Variants in ISG20 observed in about 807,000 individuals in gnomAD.
ISG20 encodes interferon stimulated exonuclease gene 20.
A neutral mutation model predicts 11.1 loss-of-function variants in ISG20; 8 were observed. The observed-to-expected ratio is 0.72, with a 90% CI of 0.42 to 1.30. The LOEUF (loss-of-function observed/expected upper bound fraction) is 1.30, where lower values mean the gene tolerates loss of function less well. Ranked by LOEUF, ISG20 falls within the 50% of genes most tolerant of loss-of-function variation. The pLI is 0.01. For synonymous variants in ISG20, 110 were observed against 101.7 expected (o/e 1.08, Z -0.49); for missense variants, 243 against 250.2 (o/e 0.97, Z 0.19).
At position 88,650,197 on chromosome 15, in the gene ISG20, C is replaced by T. The variant is rs1490747346; in HGVS notation, c.229-1913C>T. Reference sequence around the variant, plus strand: ...GGGCCTGGACTAGCCACGAGCCGCCCCTTTCCCTAATAGAGCTCACATCTG... The same window carrying T: ...GGGCCTGGACTAGCCACGAGCCGCCTCTTTCCCTAATAGAGCTCACATCTG... On this transcript the variant is annotated intron_variant, in intron 2 of 3. Transcript: ENST00000306072. This position sits in a 1 kb window ranked among gnomAD's most constrained non-coding sequence, Gnocchi z 4.0. 16 of 1,518,366 alleles carry T rather than the reference C, an allele frequency of 1.1e-5. No homozygotes were observed. Among genetic ancestry groups the T allele is most frequent in the Non-Finnish European group, 1.3e-5 (15 of 1,131,368 alleles). The allele number at this position is 1,518,366 out of a possible 1,614,324, so 94.1% of individuals were successfully genotyped here. A position where few individuals can be genotyped will look rare whatever the true frequency, so the allele number is the denominator to read the frequency against.
rs773881244 is a variant in ISG20, at chr15:88,639,402, C to T, written c.36C>T (p.Cys12=). 7.4e-6 allele frequency: 12 copies of T among 1,613,270 alleles called. No individual in the cohort carries two copies. Among genetic ancestry groups the T allele is most frequent in the South Asian group, 6.6e-5 (6 of 91,026 alleles). Residue 12 remains cysteine (C), a synonymous_variant, in exon 2 of 4, where the codon TGC becomes TGT. Transcript: ENST00000306072. The surrounding 1 kb of genome is among the most constrained non-coding windows in gnomAD (Gnocchi z 4.2). ...AGSREVVAMD[C]EMVGLGPHRE... is the part of the protein sequence containing the mutation. Reference sequence around the variant, plus strand: ...GCCGTGAGGTGGTGGCCATGGACTGCGAGATGGTGGGGCTGGGGCCCCACC... The same window carrying T: ...GCCGTGAGGTGGTGGCCATGGACTGTGAGATGGTGGGGCTGGGGCCCCACC...
chr15:88,653,183 C>A (rs1012560936), intron 3 of ISG20, among the ~76,000 whole-genome samples: 1 of 152,152 alleles, frequency 6.6e-6, no homozygotes, highest in African/African-American at 2.4e-5. Context: ...CCGTCTCTGT[C>A]CCTGAGCTCT....
chr15:88,635,646 C>G (rs912371369), upstream of ISG20, among the ~76,000 whole-genome samples: 10 of 152,188 alleles, frequency 6.6e-5, no homozygotes, highest in African/African-American at 2.2e-4. Context: ...TGCATCCCGA[C>G]ATTGGTTTAC....
In ISG20 at chr15:88,639,135, C is replaced by G; in HGVS notation, c.-25+59C>G. 1 of 568,954 alleles carries G rather than the reference C, an allele frequency of 1.8e-6. No homozygotes were observed. The highest frequency in any genetic ancestry group is 3.1e-6 in the Non-Finnish European group (1 of 320,864). 35.2% of individuals were successfully genotyped at this position (568,954 alleles called of 1,614,324 possible). ...GCAGCGGGAGGGGCCTTCCCGGTCCCCAGGCTGCGGGGCAGGCCAGAGGCC... is the reference window on the plus strand; with the variant it reads ...GCAGCGGGAGGGGCCTTCCCGGTCCGCAGGCTGCGGGGCAGGCCAGAGGCC... On this transcript the variant is annotated intron_variant, in intron 1 of 3. Coordinates refer to ENST00000306072, the MANE Select transcript of ISG20 (RefSeq NM_002201.6). The surrounding 1 kb of genome is among the most constrained non-coding windows in gnomAD (Gnocchi z 4.2).
chr15:88,636,107 T>G (rs1487010901), upstream of ISG20: 1 of 152,240 alleles, frequency 6.6e-6, no homozygotes, highest in Non-Finnish European at 1.5e-5. Context: ...CTGAGGCCAG[T>G]GCTGTGGATC....
At position 88,650,194 on chromosome 15, in the gene ISG20, G is replaced by A. The variant is rs8037370; in HGVS notation, c.229-1916G>A. 0.018 allele frequency: 27,211 copies of A among 1,510,876 alleles called. 823 individuals are homozygous for A. The highest frequency in any genetic ancestry group is 0.14 in the African/African-American group (9,913 of 72,612). 93.6% of individuals were successfully genotyped at this position (1,510,876 alleles called of 1,614,324 possible). ...AGTGGGCCTGGACTAGCCACGAGCCGCCCCTTTCCCTAATAGAGCTCACAT... is the reference window on the plus strand; with the variant it reads ...AGTGGGCCTGGACTAGCCACGAGCCACCCCTTTCCCTAATAGAGCTCACAT... On this transcript the variant is annotated intron_variant, in intron 2 of 3. Coordinates refer to ENST00000306072, the MANE Select transcript of ISG20 (RefSeq NM_002201.6). This position sits in a 1 kb window ranked among gnomAD's most constrained non-coding sequence, Gnocchi z 4.0.
In ISG20 at chr15:88,656,091, C is replaced by G. The variant is rs73465650; in HGVS notation, c.*560C>G. On this transcript the variant is annotated 3_prime_UTR_variant, in exon 4 of 4. Coordinates refer to ENST00000306072, the MANE Select transcript of ISG20 (RefSeq NM_002201.6). ...GAGTCAGAGAGAAGTAGGTTGGAAT[C>G]CTCTTTGTCATTTAGTAGCTGTTTG... 6.6e-6 allele frequency: 1 copy of G among 152,310 alleles called. No homozygotes were observed. The highest frequency in any genetic ancestry group is 1.9e-4 in the East Asian group (1 of 5,192). The allele number at this position is 152,310 out of a possible 1,614,324, so 9.4% of individuals were successfully genotyped here.
chr15:88,642,323 T>G (rs558018817), intron 2 of ISG20, among the ~76,000 whole-genome samples: 6 of 152,228 alleles, frequency 3.9e-5, no homozygotes, highest in Non-Finnish European at 8.8e-5. Flanking sequence ...TAATTCTATC[T>G]GCAACGACCT....
intron 3 of ISG20, among the ~76,000 whole-genome samples, 158 bp from the exon 4 acceptor site, chr15:88,655,257 G>A (rs558914239): frequency 6.6e-6 from 1 of 152,394 alleles, no homozygotes; most frequent in African/African-American, 2.4e-5. Context: ...GCCACCTGCT[G>A]AGTCTCCTAA....
intron 3 of ISG20, among the ~76,000 whole-genome samples, chr15:88,654,531 C>G (rs538692560): frequency 6.6e-6 from 1 of 152,100 alleles, no homozygotes; most frequent in Non-Finnish European, 1.5e-5. Context: ...TCCAACAGCC[C>G]GCTGGCTCCC....
intron 2 of ISG20, among the ~76,000 whole-genome samples, chr15:88,645,283 G>A (rs1208675414): frequency 2.0e-5 from 3 of 152,162 alleles, no homozygotes; most frequent in Non-Finnish European, 4.4e-5. Flanking sequence ...GTCTCATGCG[G>A]GTCAGATGCC....
intron 3 of ISG20, among the ~76,000 whole-genome samples, chr15:88,654,059 A>G (rs548486583): frequency 2.0e-5 from 3 of 152,310 alleles, no homozygotes; most frequent in Non-Finnish European, 4.4e-5. Context: ...CAGAGCTCAT[A>G]AGCAGGGGAG....
intron 2 of ISG20, among the ~76,000 whole-genome samples, chr15:88,640,165 G>C (rs971085408): frequency 9.2e-5 from 14 of 152,174 alleles, no homozygotes; most frequent in African/African-American, 3.4e-4. Context: ...CTGTTTCTCT[G>C]AATTACTAAG....
At chr15:88,635,663 C>G (rs1039724868), upstream of ISG20, among the ~76,000 whole-genome samples, 1 of 152,174 alleles carries the variant, frequency 6.6e-6, no homozygotes, top group Non-Finnish European at 1.5e-5. Context: ...TTACATTTCT[C>G]TTGACTGAGA....
chr15:88,641,367 A>G (rs1402828058), intron 2 of ISG20, among the ~76,000 whole-genome samples: 5 of 152,130 alleles, frequency 3.3e-5, no homozygotes, highest in African/African-American at 7.2e-5. Flanking sequence ...TAGGGCTGCC[A>G]TAACAAAGCA....
rs781102578 is a variant in ISG20, at chr15:88,655,789, T to A, written c.*258T>A. 1.8e-5 allele frequency: 6 copies of A among 329,352 alleles called. No homozygotes were observed. The highest frequency in any genetic ancestry group is 3.3e-5 in the Non-Finnish European group (6 of 179,932). The allele number at this position is 329,352 out of a possible 1,614,324, so 20.4% of individuals were successfully genotyped here. A position where few individuals can be genotyped will look rare whatever the true frequency, so the allele number is the denominator to read the frequency against. ...TCAATTTCCTTAATATCTTGAATCC[T>A]GTGGGTCCAAAATGTGGCTTGGAAA... is the stretch of plus-strand genomic sequence containing the variant. On this transcript the variant is annotated 3_prime_UTR_variant, in exon 4 of 4. Transcript: ENST00000306072.
chr15:88,640,324 C>T (rs1478087034), intron 2 of ISG20, among the ~76,000 whole-genome samples: 11 of 152,270 alleles, frequency 7.2e-5, no homozygotes, highest in East Asian at 3.9e-4. Context: ...ACACCCAATC[C>T]GTGCCAGGCT....
intron 2 of ISG20, chr15:88,649,642 T>C (rs4932187): frequency 0.8 from 123,211 of 153,366 alleles, 49,673 homozygotes; most frequent in Middle Eastern, 0.9. Flanking sequence ...GCGTGCTGGG[T>C]GGTTTCCTCT....
In ISG20 at chr15:88,643,454, A is replaced by G. The variant is rs1042767011; in HGVS notation, c.228+3860A>G. Among the ~76,000 whole-genome samples the G allele has an allele frequency of 3.3e-5, 5 of 152,140 alleles. No individual in the cohort carries two copies. Among genetic ancestry groups the G allele is most frequent in the African/African-American group, 9.7e-5 (4 of 41,418 alleles). On this transcript the variant is annotated intron_variant, in intron 2 of 3. Transcript: ENST00000306072. This position sits in a 1 kb window ranked among gnomAD's most constrained non-coding sequence, Gnocchi z 4.4. ...TGCAGTGGTTCACACCTGTAATCTC[A>G]GCACTTTGGGAGGCTGAGGCAGGTG...
Sources: gnomAD v4.1 joint callset for allele counts (sites outside exome capture counted in the v4.1 genomes callset) on GRCh38, gnomAD v4.1.1 for gene constraint, Gnocchi (gnomAD v3.1) non-coding constraint, MANE v1.5 for transcripts, NCBI Gene and HGNC (gene_info 2026-07-23, HGNC 2026-07-21) for gene names.